AHCTF1: variants seen among roughly 807,000 people sequenced by gnomAD.
The protein encoded by AHCTF1 is AT-hook containing transcription factor 1.
A neutral mutation model predicts 248.4 loss-of-function variants in AHCTF1; 24 were observed. The observed-to-expected ratio is 0.10, with a 90% CI of 0.07 to 0.14. The LOEUF (loss-of-function observed/expected upper bound fraction) is 0.14, where lower values mean the gene tolerates loss of function less well. AHCTF1 is among the 10% of genes least tolerant of loss of function. The probability of loss-of-function intolerance (pLI) is 1.00; values close to 1 mark genes in which losing one functional copy is unlikely to be tolerated. For synonymous variants in AHCTF1, 786 were observed against 929.8 expected (o/e 0.85, Z 2.81); for missense variants, 2,206 against 2,636.2 (o/e 0.84, Z 3.57).
In AHCTF1 at chr1:246,888,498, A is replaced by T; in HGVS notation, c.2164T>A (p.Cys722Ser). The change falls in exon 18 of 36, where the codon TGC becomes AGC. Residue 722 changes from cysteine to serine, a missense_variant. Cys to Ser is a moderately radical substitution (Grantham distance 112). Transcript: ENST00000648844. ...GAAACCAGTCCATCAATCATCAAGC[A>T]ATCGGGATTCCACTTCCCTCTGCAA... ...RLSRGKWNPD[C>S]LMIDGLVSQL... 3 of 1,613,984 alleles carry T rather than the reference A, an allele frequency of 1.9e-6. No homozygotes were observed. Among genetic ancestry groups the T allele is most frequent in the Non-Finnish European group, 2.5e-6 (3 of 1,179,984 alleles).
chr1:246,870,747 G>C (rs1572395558), intron 24 of AHCTF1, among the ~76,000 whole-genome samples: 1 of 148,560 alleles, frequency 6.7e-6, no homozygotes, highest in African/African-American at 2.5e-5. Context: ...AAAAGCCCTA[G>C]GCTATTTAAT....
At chr1:246,866,665 A>G (rs1053060325) in intron 26 of AHCTF1, among the ~76,000 whole-genome samples, 1 of 152,090 alleles carries the variant, frequency 6.6e-6, no homozygotes, top group Non-Finnish European at 1.5e-5. Flanking sequence ...ATTTCCAAAG[A>G]TCCTGGGCAT....
chr1:246,892,785 C>A (rs1424675764), intron 14 of AHCTF1, among the ~76,000 whole-genome samples: 3 of 149,490 alleles, frequency 2.0e-5, no homozygotes, highest in African/African-American at 7.5e-5. Context: ...GCATGTGCCA[C>A]CCTGCCCAGC....
chr1:246,853,497 T>A (rs544220033), intron 31 of AHCTF1, among the ~76,000 whole-genome samples, 198 bp from the exon 32 acceptor site: 4 of 152,316 alleles, frequency 2.6e-5, no homozygotes, highest in South Asian at 4.1e-4. Flanking sequence ...AAATTTCACA[T>A]TTAAAAATGA....
At chr1:246,888,264 G>C in intron 18 of AHCTF1, 31 bp from the exon 19 acceptor site, 1 of 1,613,224 alleles carries the variant, frequency 6.2e-7, no homozygotes, top group Non-Finnish European at 8.5e-7. Context: ...ACCTTCAGTG[G>C]ATCTTATACA....
rs1660849750 is a variant in AHCTF1, at chr1:246,853,256, A to G, written c.4398T>C (p.Thr1466=). The G allele has an allele frequency of 6.2e-7, 1 of 1,614,004 alleles. No individual in the cohort carries two copies. The highest frequency in any genetic ancestry group is 8.5e-7 in the Non-Finnish European group (1 of 1,179,970). ...CAGAGACAATAGGACCTTCAGAGATAGTGAGCGAGGAGTTTCCACCATCAC... is the reference window on the plus strand; with the variant it reads ...CAGAGACAATAGGACCTTCAGAGATGGTGAGCGAGGAGTTTCCACCATCAC... The part of the protein sequence containing the change: ...VLGDGGNSSL[T]ISEGPIVSER... The change falls in exon 32 of 36, where the codon ACT becomes ACC. Residue 1466 remains threonine, a synonymous_variant. Transcript: ENST00000648844.
intron 1 of AHCTF1, among the ~76,000 whole-genome samples, chr1:246,928,302 CAAAAAA>C (rs35687457): frequency 3.2e-5 from 3 of 94,226 alleles, no homozygotes; most frequent in African/African-American, 1.2e-4. Context: ...GACTCCGTCT[CAAAAAA>C]AAAAAAAAAA....
intron 21 of AHCTF1, among the ~76,000 whole-genome samples, chr1:246,878,396 CAA>C (rs1199465751): frequency 0.029 from 874 of 30,576 alleles, 1 homozygote; most frequent in African/African-American, 0.1. Flanking sequence ...GATTCTGTCT[CAA>C]AAAAAAAAAA....
At chr1:246,919,439 CGTGGTGGCT>C (rs1278538130) in intron 1 of AHCTF1, among the ~76,000 whole-genome samples, 5 of 152,082 alleles carry the variant, frequency 3.3e-5, no homozygotes, top group Non-Finnish European at 7.4e-5. Flanking sequence ...AGAGGCCGGG[CGTGGTGGCT>C]CACGCCTGTA....
intron 7 of AHCTF1, 124 bp from the exon 8 acceptor site, chr1:246,902,799 A>T (rs1665099419): frequency 4.3e-6 from 4 of 925,172 alleles, no homozygotes; most frequent in Admixed American, 3.4e-5. Flanking sequence ...GACTGAAGAG[A>T]ACCAATCATG....
intron 21 of AHCTF1, among the ~76,000 whole-genome samples, chr1:246,884,474 ATAAC>A (rs1259534502): frequency 6.6e-6 from 1 of 152,216 alleles, no homozygotes; most frequent in Non-Finnish European, 1.5e-5. Context: ...CTGAGGTAAA[ATAAC>A]TAATTTCTAA....
At chr1:246,869,040 T>C (rs796387208) in intron 24 of AHCTF1, among the ~76,000 whole-genome samples, 2 of 151,692 alleles carry the variant, frequency 1.3e-5, no homozygotes, top group South Asian at 2.1e-4. Context: ...GAGACGGGGT[T>C]TCACCATGTT....
chr1:246,865,872 A>G (rs993031128), intron 26 of AHCTF1, among the ~76,000 whole-genome samples: 5 of 152,158 alleles, frequency 3.3e-5, no homozygotes, highest in African/African-American at 1.2e-4. Flanking sequence ...TTCTGATTTC[A>G]TTACTATCTG....
At chr1:246,876,291 T>TC (rs1228407163) in intron 23 of AHCTF1, 104 bp from the exon 24 acceptor site, 2 of 1,008,962 alleles carry the variant, frequency 2.0e-6, no homozygotes, top group Middle Eastern at 3.5e-4. Flanking sequence ...CAAAAAATCT[T>TC]CCCCCTACCT....
At position 246,851,441 on chromosome 1, in the gene AHCTF1, A is replaced by C; in HGVS notation, c.4565T>G (p.Val1522Gly). 2.5e-6 allele frequency: 4 copies of C among 1,596,882 alleles called. No homozygotes were observed. Among genetic ancestry groups the C allele is most frequent in the Non-Finnish European group, 3.4e-6 (4 of 1,173,224 alleles). ...DSPPDTQEIH[V>G]IEQEKLEAQD... ...AGCTTCAAGCTTTTCTTGTTCAATCACCTAAATGAATTAAAGATAAGAGAC... is the reference window on the plus strand; with the variant it reads ...AGCTTCAAGCTTTTCTTGTTCAATCCCCTAAATGAATTAAAGATAAGAGAC... The change falls in exon 33 of 36, where the codon GTG becomes GGG. Residue 1522 changes from valine to glycine, a missense_variant and splice_region_variant. By Grantham distance (109) the Val-to-Gly change is moderately radical (BLOSUM62 -3). Around this residue, in one of 6 missense-constraint regions of AHCTF1, gnomAD observed 955 missense variants for 1,055.6 expected, o/e 0.90. Transcript: ENST00000648844.
At chr1:246,871,022 G>C (rs911606006) in intron 24 of AHCTF1, among the ~76,000 whole-genome samples, 5 of 152,274 alleles carry the variant, frequency 3.3e-5, no homozygotes, top group South Asian at 2.1e-4. Context: ...CTGTAGCCTT[G>C]CTTAAGTTGC....
chr1:246,903,999 G>A lies in AHCTF1; in HGVS notation c.916C>T (p.Leu306=), dbSNP rs746859756. The change falls in exon 7 of 36, where the codon CTG becomes TTG. Residue 306 remains leucine, a synonymous_variant. Coordinates refer to ENST00000648844, the MANE Select transcript of AHCTF1 (RefSeq NM_001323342.2). Reference sequence around the variant, plus strand: ...AAACACTTTCTATTACCAAAGGCCAGCTGCAGCAGATGCAAACTCAAAACA... The same window carrying A: ...AAACACTTTCTATTACCAAAGGCCAACTGCAGCAGATGCAAACTCAAAACA... ...GDVLSLHLLQ[L]AFGNRKCLAS... The A allele has an allele frequency of 8.1e-6, 13 of 1,614,012 alleles. 1 individual carries two copies. The South Asian group carries it at 1.3e-4, about 16-fold the overall frequency.
intron 24 of AHCTF1, among the ~76,000 whole-genome samples, chr1:246,869,850 C>G (rs1253497086): frequency 6.6e-6 from 1 of 152,150 alleles, no homozygotes; most frequent in African/African-American, 2.4e-5. Flanking sequence ...CCCTGGATCA[C>G]AGTAATCGCA....
chr1:246,857,838 A>C, intron 29 of AHCTF1, 24 bp from the exon 30 acceptor site: 1 of 1,564,826 alleles, frequency 6.4e-7, no homozygotes, highest in Non-Finnish European at 8.8e-7. Context: ...AAATAAGAAT[A>C]TTATTTATGC....
Sources: allele counts gnomAD v4.1 joint callset (sites outside exome capture counted in the v4.1 genomes callset), GRCh38; gene constraint gnomAD v4.1.1; regional missense constraint gnomAD v4.1.1; transcripts MANE v1.5; gene names NCBI Gene and HGNC (gene_info 2026-07-23, HGNC 2026-07-21).